The following DSCAM variants were observed in gnomAD, a reference collection of about 807,000 sequenced individuals.
The protein encoded by DSCAM is DS cell adhesion molecule.
Under a neutral mutation model 217.7 loss-of-function variants are expected in DSCAM, and 47 were observed. That is an observed-to-expected ratio of 0.22 (90% confidence interval 0.17 to 0.28). The LOEUF (loss-of-function observed/expected upper bound fraction) is 0.28, where lower values mean the gene tolerates loss of function less well. Among genes scored for constraint, DSCAM ranks in the 10% least tolerant of loss-of-function variants. The probability of loss-of-function intolerance (pLI) is 1.00; values close to 1 mark genes in which losing one functional copy is unlikely to be tolerated. For synonymous variants in DSCAM, 1,056 were observed against 1,015.3 expected, an observed-to-expected ratio of 1.04 and a Z score of -0.76; for missense variants, 2,080 against 2,618.3, an observed-to-expected ratio of 0.79 and a Z score of 4.49.
intron 1 of DSCAM, among the ~76,000 whole-genome samples, chr21:40,803,622 T>C (rs2123508748): frequency 6.6e-6 from 1 of 152,306 alleles, no homozygotes; most frequent in South Asian, 2.1e-4. Flanking sequence ...CTATTATTGT[T>C]AAACCTTGTA....
chr21:40,466,036 C>T (rs78664731), intron 3 of DSCAM, among the ~76,000 whole-genome samples: 11,121 of 152,162 alleles, frequency 0.073, 790 homozygotes, highest in African/African-American at 0.18. Context: ...CAGATGTGGT[C>T]ACAAGGAGTG....
chr21:40,507,096 G>A (rs1421730259), intron 3 of DSCAM, among the ~76,000 whole-genome samples: 1 of 152,050 alleles, frequency 6.6e-6, no homozygotes, highest in Non-Finnish European at 1.5e-5. Flanking sequence ...GACCAACATG[G>A]TGAAAACCCA....
rs79178441 is a variant in DSCAM, at chr21:40,144,357, A to G, written c.3259+134T>C. 8,381 of 1,414,738 alleles carry G rather than the reference A, an allele frequency of 5.9e-3. 375 individuals are homozygous for G. In the African/African-American group the frequency reaches 0.1, roughly 17 times the overall value. The allele number at this position is 1,414,738 out of a possible 1,614,324, so 87.6% of individuals were successfully genotyped here. On this transcript the variant is annotated intron_variant, in intron 17 of 32. Coordinates refer to ENST00000400454, the MANE Select transcript of DSCAM (RefSeq NM_001389.5). This position sits in a 1 kb window ranked among gnomAD's most constrained non-coding sequence, Gnocchi z 4.8. Reference sequence around the variant, plus strand: ...CGAGGTCACGAGGGAAGGCTTTTCCACCCGAGACCCCAGGCCCTGCAGGTC... The same window carrying G: ...CGAGGTCACGAGGGAAGGCTTTTCCGCCCGAGACCCCAGGCCCTGCAGGTC...
chr21:40,104,052 C>T (rs2089787060), intron 20 of DSCAM, among the ~76,000 whole-genome samples: 1 of 152,052 alleles, frequency 6.6e-6, no homozygotes, highest in Non-Finnish European at 1.5e-5. Flanking sequence ...AAGCACCATC[C>T]AATTAGCCCA....
At chr21:40,060,420 A>T (rs1006783297) in intron 28 of DSCAM, among the ~76,000 whole-genome samples, 1 of 152,242 alleles carries the variant, frequency 6.6e-6, no homozygotes, top group African/African-American at 2.4e-5. Flanking sequence ...GCAGTTTCAC[A>T]GCCTCTGGAC....
intron 3 of DSCAM, among the ~76,000 whole-genome samples, chr21:40,428,576 A>T (rs1403019178): frequency 1.3e-5 from 2 of 152,062 alleles, no homozygotes; most frequent in East Asian, 3.9e-4. Flanking sequence ...TGCTGCAAAT[A>T]CTATTTTATT....
At chr21:40,280,999 C>T (rs1404589543) in intron 10 of DSCAM, among the ~76,000 whole-genome samples, 1 of 152,162 alleles carries the variant, frequency 6.6e-6, no homozygotes, top group African/African-American at 2.4e-5. Flanking sequence ...CCTCCCACAG[C>T]TAAGCTTTGA....
chr21:40,843,595 G>C (rs1483990347), intron 1 of DSCAM, among the ~76,000 whole-genome samples: 2 of 152,134 alleles, frequency 1.3e-5, no homozygotes, highest in African/African-American at 4.8e-5. Context: ...TTGCTGAGAA[G>C]ACACCGAGGG....
At chr21:40,146,729 C>A (rs2090361696) in intron 16 of DSCAM, among the ~76,000 whole-genome samples, 1 of 152,148 alleles carries the variant, frequency 6.6e-6, no homozygotes, top group Admixed American at 6.5e-5. Flanking sequence ...TCTGTTGGCT[C>A]GGAGTTAGAC....
intron 27 of DSCAM, among the ~76,000 whole-genome samples, chr21:40,068,485 G>C (rs1054942998): frequency 2.6e-5 from 4 of 152,036 alleles, no homozygotes; most frequent in African/African-American, 9.7e-5. Context: ...AGGCTGAAGG[G>C]TAGTGAATAT....
At chr21:40,136,089 G>A (rs902517487) in intron 18 of DSCAM, among the ~76,000 whole-genome samples, 2 of 152,166 alleles carry the variant, frequency 1.3e-5, no homozygotes, top group African/African-American at 4.8e-5. Flanking sequence ...TGTCTTCTAG[G>A]GAGGCCAGCA....
chr21:40,822,439 G>GT lies in DSCAM; in HGVS notation c.43+24179dup, dbSNP rs577452457. On this transcript the variant is annotated intron_variant, in intron 1 of 32. Coordinates refer to ENST00000400454, the MANE Select transcript of DSCAM (RefSeq NM_001389.5). Reference sequence around the variant, plus strand: ...TGTTTTATTAGCTTATATTACCTCTGTTTTTTTTTAAAAAAAAAGACTTTG... The same window carrying GT: ...TGTTTTATTAGCTTATATTACCTCTGTTTTTTTTTTAAAAAAAAAGACTTTG... Among the ~76,000 whole-genome samples the GT allele has an allele frequency of 1.2e-3, 153 of 125,070 alleles. 1 individual carries two copies. Among genetic ancestry groups the GT allele is most frequent in the African/African-American group, 2.5e-3 (82 of 33,186 alleles). The allele number at this position is 125,070 out of a possible 152,430, so 82.1% of individuals were successfully genotyped here.
intron 3 of DSCAM, among the ~76,000 whole-genome samples, chr21:40,375,796 A>G (rs2074944338): frequency 6.6e-6 from 1 of 152,230 alleles, no homozygotes; most frequent in South Asian, 2.1e-4. Context: ...TGTATTCAAA[A>G]CATCCTTTCC....
chr21:40,693,670 T>A (rs1056032965), intron 2 of DSCAM, among the ~76,000 whole-genome samples: 2 of 152,156 alleles, frequency 1.3e-5, no homozygotes, highest in African/African-American at 4.8e-5. Context: ...CTGAGACAAT[T>A]AAAATAATTT....
chr21:40,060,989 T>C (rs1178864182), intron 28 of DSCAM, among the ~76,000 whole-genome samples: 2 of 152,190 alleles, frequency 1.3e-5, no homozygotes, highest in African/African-American at 4.8e-5. Context: ...AATCTTCTCC[T>C]GGAAATGTGA....
chr21:40,648,272 C>CAT (rs2089973275), intron 3 of DSCAM, among the ~76,000 whole-genome samples: 1 of 148,706 alleles, frequency 6.7e-6, no homozygotes, highest in Non-Finnish European at 1.5e-5. Flanking sequence ...CACACACACA[C>CAT]ACACACACAC....
At chr21:40,240,435 T>C (rs1030972072) in intron 11 of DSCAM, among the ~76,000 whole-genome samples, 4 of 146,658 alleles carry the variant, frequency 2.7e-5, no homozygotes, top group African/African-American at 1.0e-4. Flanking sequence ...TAGATAGATA[T>C]TCATTACTTT....
chr21:40,307,240 A>AC (rs1371033021), intron 9 of DSCAM, among the ~76,000 whole-genome samples: 1 of 151,286 alleles, frequency 6.6e-6, no homozygotes, highest in African/African-American at 2.5e-5. Context: ...TTTACAAGAA[A>AC]AAAAAAACAA....
Position 40,062,784 on chromosome 21 carries a change from A to G in DSCAM, c.4919+85T>C, listed in dbSNP as rs374548601. ...AAGACATTATCAATTTCAGACTGCC[A>G]TTATTAAAAAAATAGAAATCATCAA... On this transcript the variant is annotated intron_variant, in intron 28 of 32. Coordinates refer to ENST00000400454, the MANE Select transcript of DSCAM (RefSeq NM_001389.5). The G allele has an allele frequency of 3.9e-6, 5 of 1,290,664 alleles. No homozygotes were observed. In the South Asian group the frequency reaches 5.9e-5, roughly 15 times the overall value. The allele number at this position is 1,290,664 out of a possible 1,614,324, so 80.0% of individuals were successfully genotyped here.
Sources: gnomAD v4.1 joint callset for allele counts (sites outside exome capture counted in the v4.1 genomes callset) on GRCh38, gnomAD v4.1.1 for gene constraint, Gnocchi (gnomAD v3.1) non-coding constraint, MANE v1.5 for transcripts, NCBI Gene and HGNC (gene_info 2026-07-23, HGNC 2026-07-21) for gene names.